Variants in XRCC4 observed in about 807,000 individuals in gnomAD.
The protein encoded by XRCC4 is X-ray repair cross complementing 4.
XRCC4 carries 28 observed loss-of-function variants against 39.1 expected under a neutral mutation model. The ratio of observed to expected loss-of-function variants is 0.72; its 90% CI spans 0.53 to 0.98. The LOEUF (loss-of-function observed/expected upper bound fraction) is 0.98. Ranked by LOEUF, XRCC4 falls within the 50% of genes least tolerant of loss-of-function variation. The pLI is 0.00. For synonymous variants in XRCC4, 123 were observed against 126.4 expected (o/e 0.97, Z 0.18); for missense variants, 350 against 376.4 (o/e 0.93, Z 0.58).
Position 83,333,770 on chromosome 5 carries a change from C to CT in XRCC4, c.894-19346dup, listed in dbSNP as rs780841413. On this transcript the variant is annotated intron_variant, in intron 7 of 7. Coordinates refer to ENST00000396027, the MANE Select transcript of XRCC4 (RefSeq NM_003401.5). ...TACTCTATTCCTCCAAGATTTAAACCTTTTTTTTTTTTTTTGGGAGATAGA... is the reference window on the plus strand; with the variant it reads ...TACTCTATTCCTCCAAGATTTAAACCTTTTTTTTTTTTTTTTGGGAGATAGA... Among the ~76,000 whole-genome samples the CT allele has an allele frequency of 6.5e-3, 921 of 140,862 alleles. 2 individuals are homozygous for CT. Among genetic ancestry groups the CT allele is most frequent in the African/African-American group, 0.013 (493 of 38,534 alleles). The allele number at this position is 140,862 out of a possible 152,430, so 92.4% of individuals were successfully genotyped here. A position where few individuals can be genotyped will look rare whatever the true frequency, so the allele number is the denominator to read the frequency against.
At chr5:83,287,113 A>G (rs1754763160) in intron 7 of XRCC4, among the ~76,000 whole-genome samples, 1 of 152,068 alleles carries the variant, frequency 6.6e-6, no homozygotes, top group Non-Finnish European at 1.5e-5. Context: ...GAGTTTTTGA[A>G]TGACTCTTCT....
At chr5:83,183,413 TG>T (rs1750291417) in intron 3 of XRCC4, among the ~76,000 whole-genome samples, 2 of 1,652 alleles carry the variant, frequency 1.2e-3, no homozygotes, top group Non-Finnish European at 5.5e-3. Context: ...TTCATTTATT[TG>T]TGTGTGTGTG....
At chr5:83,310,861 C>G (rs1261039273) in intron 7 of XRCC4, 8 of 456,430 alleles carry the variant, frequency 1.8e-5, no homozygotes, top group Admixed American at 1.4e-4. Context: ...AGATGCTAAG[C>G]TGCTGCCTTT....
chr5:83,305,284 C>T (rs2112065110), intron 7 of XRCC4, among the ~76,000 whole-genome samples: 1 of 151,202 alleles, frequency 6.6e-6, no homozygotes, highest in South Asian at 2.1e-4. Flanking sequence ...ACAGTAACTT[C>T]AGGTTTTTTT....
intron 3 of XRCC4, among the ~76,000 whole-genome samples, chr5:83,115,136 G>A (rs1041226775): frequency 3.9e-5 from 6 of 152,096 alleles, no homozygotes; most frequent in African/African-American, 1.4e-4. Context: ...TGGGAATTAT[G>A]GGATCTACAA....
At chr5:83,161,254 G>C (rs1561371900) in intron 3 of XRCC4, among the ~76,000 whole-genome samples, 1 of 151,984 alleles carries the variant, frequency 6.6e-6, no homozygotes, top group Admixed American at 6.6e-5. Context: ...GGGATTATGG[G>C]CACCCACCAC....
At chr5:83,212,301 G>A (rs181342963) in intron 6 of XRCC4, among the ~76,000 whole-genome samples, 6 of 152,140 alleles carry the variant, frequency 3.9e-5, no homozygotes, top group East Asian at 1.9e-4. Flanking sequence ...TTTGAAGAGT[G>A]TAATAACTGA....
intron 3 of XRCC4, among the ~76,000 whole-genome samples, chr5:83,140,941 C>T (rs1367603937): frequency 2.0e-5 from 3 of 152,190 alleles, no homozygotes; most frequent in Non-Finnish European, 4.4e-5. Context: ...ATTACATTTC[C>T]ATCCAACCCT....
intron 1 of XRCC4, among the ~76,000 whole-genome samples, chr5:83,079,889 G>C (rs183227029): frequency 6.6e-6 from 1 of 151,988 alleles, no homozygotes; most frequent in African/African-American, 2.4e-5. Context: ...TTCCAACTTT[G>C]GTTTCATGGG....
At position 83,344,130 on chromosome 5, in the gene XRCC4, T is replaced by TCACACA. The variant is rs61032306; in HGVS notation, c.894-8975_894-8970dup. On this transcript the variant is annotated intron_variant, in intron 7 of 7. Transcript: ENST00000396027. ...ATACACAGATACACTGACACAGATC[T>TCACACA]CACACACACACACACACACACACAC... Among the ~76,000 whole-genome samples, 727 of 148,194 alleles carry TCACACA rather than the reference T, an allele frequency of 4.9e-3. 2 individuals are homozygous for TCACACA. Among genetic ancestry groups the TCACACA allele is most frequent in the African/African-American group, 5.8e-3 (234 of 40,174 alleles).
At chr5:83,314,706 G>C (rs1561470692) in intron 7 of XRCC4, among the ~76,000 whole-genome samples, 1 of 152,044 alleles carries the variant, frequency 6.6e-6, no homozygotes, top group South Asian at 2.1e-4. Context: ...TGTGATCAGT[G>C]ATCATTTATT....
chr5:83,341,208 AC>A (rs1438117165), intron 7 of XRCC4, among the ~76,000 whole-genome samples: 7 of 151,452 alleles, frequency 4.6e-5, no homozygotes, highest in Admixed American at 1.3e-4. Flanking sequence ...AAAAAAAAAA[AC>A]AACAACAGTT....
At chr5:83,161,802 A>G (rs1749225005) in intron 3 of XRCC4, among the ~76,000 whole-genome samples, 2 of 151,784 alleles carry the variant, frequency 1.3e-5, no homozygotes, top group African/African-American at 4.8e-5. Flanking sequence ...ATTTCATGTG[A>G]ATTTGCTACA....
chr5:83,197,362 A>G (rs1403299662), intron 4 of XRCC4, among the ~76,000 whole-genome samples: 2 of 152,088 alleles, frequency 1.3e-5, no homozygotes, highest in Non-Finnish European at 1.5e-5. Flanking sequence ...TATGGTCGTG[A>G]TAAGCCATTA....
the XRCC4 span, among the ~76,000 whole-genome samples, chr5:83,359,206 C>T: frequency 5.3e-5 from 8 of 152,088 alleles, no homozygotes; most frequent in Non-Finnish European, 1.2e-4. Flanking sequence ...GTTACACCTA[C>T]TTATAGTAGG....
intron 6 of XRCC4, among the ~76,000 whole-genome samples, chr5:83,248,732 T>TA (rs1408554841): frequency 1.3e-5 from 2 of 152,338 alleles, no homozygotes; most frequent in African/African-American, 4.8e-5. Context: ...GACCAGTTAC[T>TA]ATTCTTGTCA....
At chr5:83,144,067 C>G (rs80206874) in intron 3 of XRCC4, among the ~76,000 whole-genome samples, 3,824 of 152,052 alleles carry the variant, frequency 0.025, 66 homozygotes, top group East Asian at 0.072. Flanking sequence ...TGCCTTCCCC[C>G]CTTCTGAGTC....
chr5:83,358,069 C>G (rs2112247423), downstream of XRCC4, among the ~76,000 whole-genome samples: 1 of 152,210 alleles, frequency 6.6e-6, no homozygotes, highest in South Asian at 2.1e-4. Flanking sequence ...TAGCTATTGT[C>G]TGAATTTAAC....
intron 6 of XRCC4, among the ~76,000 whole-genome samples, chr5:83,245,127 A>G (rs1395233672): frequency 3.3e-5 from 5 of 152,126 alleles, no homozygotes; most frequent in South Asian, 2.1e-4. Context: ...GAATGGTTCT[A>G]TTAAGGAAAG....
Sources: gnomAD v4.1 joint callset for allele counts (sites outside exome capture counted in the v4.1 genomes callset) on GRCh38, gnomAD v4.1.1 for gene constraint, MANE v1.5 for transcripts, NCBI Gene and HGNC (gene_info 2026-07-23, HGNC 2026-07-21) for gene names.